CUBN: variants seen among roughly 807,000 people sequenced by gnomAD.
CUBN encodes the protein cubilin, also known as 460 kDa receptor.
CUBN carries 282 observed loss-of-function variants against 405.3 expected under a neutral mutation model. The observed-to-expected ratio is 0.70, with a 90% CI of 0.63 to 0.77. The LOEUF (loss-of-function observed/expected upper bound fraction) is 0.77. Ranked by LOEUF, CUBN falls within the 30% of genes least tolerant of loss-of-function variation. The pLI is 0.00. For synonymous variants in CUBN, 1,684 were observed against 1,617.0 expected (o/e 1.04, Z -0.99); for missense variants, 4,514 against 4,475.2 (o/e 1.01, Z -0.25).
At chr10:16,961,172 A>C (rs1339502082) in intron 31 of CUBN, among the ~76,000 whole-genome samples, 1 of 148,066 alleles carries the variant, frequency 6.8e-6, no homozygotes, top group African/African-American at 2.4e-5. Context: ...CCTGGGCTCA[A>C]GGGATCCTCC....
In CUBN at chr10:17,068,475, C is replaced by T. The variant is rs4747297; in HGVS notation, c.2791+130G>A. ...ATATAAATGTTGATTAGAAAATATA[C>T]ATTCTTTGTCTTTGAGTGTACTTTA... On this transcript the variant is annotated intron_variant, in intron 20 of 66. Transcript: ENST00000377833. 766,313 of 920,700 alleles carry T rather than the reference C, an allele frequency of 0.83. 321,110 individuals are homozygous for T. The highest frequency in any genetic ancestry group is 0.95 in the East Asian group (36,661 of 38,508). 57.0% of individuals were successfully genotyped at this position (920,700 alleles called of 1,614,324 possible).
intron 56 of CUBN, among the ~76,000 whole-genome samples, chr10:16,878,279 C>T (rs1840571184): frequency 6.6e-6 from 1 of 152,128 alleles, no homozygotes; most frequent in Non-Finnish European, 1.5e-5. Flanking sequence ...TAGCACAAGA[C>T]TCCATCTCAA....
At chr10:17,008,231 CGTGTGTGGTGTGTGTGTGT>C (rs1834078762) in intron 28 of CUBN, among the ~76,000 whole-genome samples, 1 of 102,176 alleles carries the variant, frequency 9.8e-6, no homozygotes, top group Admixed American at 1.0e-4. Flanking sequence ...AGTCCCTGCC[CGTGTGTGGTGTGTGTGTGT>C]GTGTGTGTGT....
chr10:16,976,446 C>G (rs929642499), intron 31 of CUBN, among the ~76,000 whole-genome samples: 3 of 152,072 alleles, frequency 2.0e-5, no homozygotes, highest in Admixed American at 2.0e-4. Flanking sequence ...AATCTGTTCC[C>G]CACCTACCTA....
At chr10:16,827,127 C>T (rs935615032) in intron 66 of CUBN, among the ~76,000 whole-genome samples, 7 of 151,942 alleles carry the variant, frequency 4.6e-5, no homozygotes, top group Admixed American at 4.6e-4. Flanking sequence ...GATATCACTA[C>T]CAAAAAGTTT....
At chr10:17,107,856 T>A (rs879103848) in intron 10 of CUBN, among the ~76,000 whole-genome samples, 1 of 152,144 alleles carries the variant, frequency 6.6e-6, no homozygotes, top group Non-Finnish European at 1.5e-5. Context: ...ACTTCAATAT[T>A]AAAAAACACA....
At chr10:16,966,744 A>G (rs1233360562) in intron 31 of CUBN, among the ~76,000 whole-genome samples, 1 of 152,194 alleles carries the variant, frequency 6.6e-6, no homozygotes, top group Admixed American at 6.5e-5. Flanking sequence ...CCACTGTGCC[A>G]GTCCCGCTTT....
Position 16,920,238 on chromosome 10 carries a change from C to T in CUBN, c.6647-101G>A. On this transcript the variant is annotated intron_variant, in intron 43 of 66. Coordinates refer to ENST00000377833, the MANE Select transcript of CUBN (RefSeq NM_001081.4). ...AAGTCGACTTCTCTGTATTTTGTCT[C>T]CATTTCCTTTCATCTGTTATGATCC... 4 of 1,196,442 alleles carry T rather than the reference C, an allele frequency of 3.3e-6. No individual in the cohort carries two copies. The Admixed American group carries it at 7.8e-5, about 23-fold the overall frequency. 74.1% of individuals were successfully genotyped at this position (1,196,442 alleles called of 1,614,324 possible). A position where few individuals can be genotyped will look rare whatever the true frequency, so the allele number is the denominator to read the frequency against.
At chr10:17,000,192 C>T (rs1055967630) in intron 28 of CUBN, among the ~76,000 whole-genome samples, 1 of 152,198 alleles carries the variant, frequency 6.6e-6, no homozygotes, top group Non-Finnish European at 1.5e-5. Context: ...AGCAGCTACC[C>T]TTTTACTCTT....
chr10:16,908,632 T>C (rs1841626134), intron 48 of CUBN, among the ~76,000 whole-genome samples: 1 of 152,194 alleles, frequency 6.6e-6, no homozygotes. Context: ...TTCACATAGT[T>C]ACAATAATTC....
chr10:16,864,859 A>G (rs916739672), intron 59 of CUBN, among the ~76,000 whole-genome samples: 2 of 149,276 alleles, frequency 1.3e-5, no homozygotes, highest in Admixed American at 6.7e-5. Context: ...CATGTTGGTC[A>G]AGCTGGCCTC....
intron 28 of CUBN, among the ~76,000 whole-genome samples, chr10:17,002,038 G>A (rs998470237): frequency 1.2e-4 from 19 of 152,262 alleles, no homozygotes; most frequent in African/African-American, 4.6e-4. Context: ...CTGTTCCTCT[G>A]AGTACACAGT....
chr10:16,902,275 A>G (rs957141501), intron 51 of CUBN, among the ~76,000 whole-genome samples: 4 of 139,788 alleles, frequency 2.9e-5, no homozygotes, highest in Non-Finnish European at 6.1e-5. Flanking sequence ...ATATATTTGT[A>G]TATATATAGT....
At chr10:16,839,406 G>A (rs972916278) in intron 62 of CUBN, among the ~76,000 whole-genome samples, 1 of 151,908 alleles carries the variant, frequency 6.6e-6, no homozygotes, top group Non-Finnish European at 1.5e-5. Flanking sequence ...GTGGGCGAAG[G>A]ATATGAACAG....
rs537292240 is a variant in CUBN, at chr10:16,907,567, G to A, written c.7646C>T (p.Thr2549Met). ...SGNTMKVIFF[T>M]DGSRPYGGFT... ...GCCGCCATATGGCCTGGATCCATCCGTGAAAAAAATGACTTTCATTGTGTT... is the reference window on the plus strand; with the variant it reads ...GCCGCCATATGGCCTGGATCCATCCATGAAAAAAATGACTTTCATTGTGTT... Residue 2549 changes from threonine to methionine, a missense_variant, in exon 49 of 67, where the codon ACG becomes ATG. Around this residue, in one of 5 missense-constraint regions of CUBN, gnomAD observed 1,613 missense variants for 1,542.8 expected, o/e 1.05. Transcript: ENST00000377833. 253 of 1,614,020 alleles carry A rather than the reference G, an allele frequency of 1.6e-4. No homozygotes were observed. The highest frequency in any genetic ancestry group is 2.0e-4 in the Non-Finnish European group (231 of 1,179,988).
intron 60 of CUBN, among the ~76,000 whole-genome samples, chr10:16,846,159 G>A (rs959321621): frequency 6.6e-6 from 1 of 152,214 alleles, no homozygotes; most frequent in African/African-American, 2.4e-5. Flanking sequence ...GCTGAGGGAA[G>A]ACTGTACTTT....
intron 19 of CUBN, among the ~76,000 whole-genome samples, chr10:17,069,715 A>T (rs1311557762): frequency 1.3e-5 from 2 of 152,000 alleles, no homozygotes; most frequent in African/African-American, 2.4e-5. Flanking sequence ...AGCTATTTTT[A>T]AAATTTTTTG....
At position 17,112,002 on chromosome 10, in the gene CUBN, T is replaced by C. The variant is rs527460699; in HGVS notation, c.884-952A>G. ...AAAGAATTTTTTAAACTCTTGCATA[T>C]GTGCTTGTACAAATGAAGAATAAAG... On this transcript the variant is annotated intron_variant, in intron 8 of 66. Transcript: ENST00000377833. Among the ~76,000 whole-genome samples, 13 of 152,304 alleles carry C rather than the reference T, an allele frequency of 8.5e-5. No homozygotes were observed. In the South Asian group the frequency reaches 2.5e-3, roughly 29 times the overall value.
chr10:16,830,625 G>T (rs1301246587), intron 65 of CUBN, among the ~76,000 whole-genome samples: 5 of 152,076 alleles, frequency 3.3e-5, no homozygotes, highest in African/African-American at 1.2e-4. Flanking sequence ...TGGATTTTTG[G>T]TAAAAATTTT....
Sources: allele counts gnomAD v4.1 joint callset (sites outside exome capture counted in the v4.1 genomes callset), GRCh38; gene constraint gnomAD v4.1.1; regional missense constraint gnomAD v4.1.1; transcripts MANE v1.5; gene names NCBI Gene and HGNC (gene_info 2026-07-23, HGNC 2026-07-21).